The following TENM2 variants were observed in gnomAD, a reference collection of about 807,000 sequenced individuals.
The protein encoded by TENM2 is teneurin-2.
In TENM2, 52 loss-of-function variants were observed where a neutral mutation model predicts 245.2. The observed-to-expected ratio is 0.21, with a 90% CI of 0.17 to 0.27. The LOEUF (loss-of-function observed/expected upper bound fraction) is 0.27. Among genes scored for constraint, TENM2 ranks in the 10% least tolerant of loss-of-function variants. TENM2 has a pLI of 1.00. For missense variants in TENM2, 3,046 were observed against 3,666.8 expected (o/e 0.83, Z 4.37); for synonymous variants, 1,363 against 1,438.9 (o/e 0.95, Z 1.19).
chr5:167,015,001 A>C, the TENM2 span, among the ~76,000 whole-genome samples: 12 of 152,220 alleles, frequency 7.9e-5, no homozygotes, highest in Non-Finnish European at 1.8e-4. Flanking sequence ...ATAAACCATC[A>C]TGCAAACCTG....
intron 1 of TENM2, among the ~76,000 whole-genome samples, chr5:167,320,943 AAAC>A (rs1410520146): frequency 4.1e-5 from 4 of 98,238 alleles, no homozygotes; most frequent in Non-Finnish European, 9.0e-5. Context: ...AAAGACAAAC[AAAC>A]AAAAAAAAAC....
chr5:167,013,845 A>G, the TENM2 span, among the ~76,000 whole-genome samples: 4,919 of 152,306 alleles, frequency 0.032, 264 homozygotes, highest in African/African-American at 0.11. Context: ...TAAGATTACT[A>G]CTATGAGGCA....
intron 2 of TENM2, among the ~76,000 whole-genome samples, chr5:167,455,937 C>T (rs1765895999): frequency 1.3e-5 from 2 of 152,076 alleles, no homozygotes; most frequent in Admixed American, 1.3e-4. Context: ...GATGAGAGGG[C>T]ACCAATTTAT....
the TENM2 span, among the ~76,000 whole-genome samples, chr5:167,248,953 A>G: frequency 2.0e-5 from 3 of 152,152 alleles, no homozygotes; most frequent in Admixed American, 2.0e-4. Context: ...CTGATTCTCC[A>G]CTAATTTATA....
chr5:167,915,915 G>T (rs1420908236), intron 3 of TENM2, among the ~76,000 whole-genome samples: 1 of 152,140 alleles, frequency 6.6e-6, no homozygotes, highest in Non-Finnish European at 1.5e-5. Context: ...TGGGCAATAG[G>T]TATATTTGAT....
intron 2 of TENM2, among the ~76,000 whole-genome samples, chr5:167,713,969 C>T (rs1759083668): frequency 6.6e-6 from 1 of 152,164 alleles, no homozygotes. Flanking sequence ...GACCATTGAA[C>T]AGTCCTGTGT....
chr5:167,929,089 G>T, intron 3 of TENM2, among the ~76,000 whole-genome samples: 1 of 81,910 alleles, frequency 1.2e-5, no homozygotes, highest in East Asian at 4.1e-4. Flanking sequence ...AAGAAAGAAA[G>T]AAAGAAAGAA....
intron 6 of TENM2, among the ~76,000 whole-genome samples, chr5:168,049,191 CT>C (rs768952463): frequency 6.6e-6 from 1 of 152,256 alleles, no homozygotes; most frequent in South Asian, 2.1e-4. Context: ...GTCAGAGATG[CT>C]GTTAAACAAC....
At chr5:168,067,878 A>C (rs1790645516) in intron 7 of TENM2, among the ~76,000 whole-genome samples, 1 of 152,194 alleles carries the variant, frequency 6.6e-6, no homozygotes, top group Non-Finnish European at 1.5e-5. Context: ...CGCGCTTTGC[A>C]GAAGCCCCTG....
At chr5:167,858,792 T>C (rs985106663) in intron 2 of TENM2, among the ~76,000 whole-genome samples, 2 of 150,046 alleles carry the variant, frequency 1.3e-5, no homozygotes, top group African/African-American at 4.9e-5. Context: ...TGTCTCAGTC[T>C]TTGCCGCCGC....
intron 2 of TENM2, among the ~76,000 whole-genome samples, chr5:167,836,547 CAAAA>C (rs1031808366): frequency 6.6e-6 from 1 of 151,950 alleles, no homozygotes; most frequent in Non-Finnish European, 1.5e-5. Flanking sequence ...AGCTACCTGA[CAAAA>C]AAATAATAAA....
chr5:168,219,098 G>A (rs562470202), intron 23 of TENM2, 99 bp downstream of exon 25: 29 of 1,229,662 alleles, frequency 2.4e-5, no homozygotes, highest in East Asian at 7.0e-5. Context: ...GCTTTGTCAC[G>A]TTGTCTTTCT....
At chr5:167,887,258 C>T (rs73803261) in intron 3 of TENM2, among the ~76,000 whole-genome samples, 4,340 of 152,306 alleles carry the variant, frequency 0.028, 208 homozygotes, top group African/African-American at 0.098. Context: ...CTTGTGTCAA[C>T]ATTAAATTGT....
intron 2 of TENM2, among the ~76,000 whole-genome samples, chr5:167,675,501 G>A (rs115331208): frequency 1.4e-4 from 21 of 152,158 alleles, no homozygotes; most frequent in South Asian, 1.0e-3. Context: ...CTATGTTCAC[G>A]TGTCACCAGG....
At chr5:167,445,197 A>G (rs890047986) in intron 2 of TENM2, among the ~76,000 whole-genome samples, 8 of 151,792 alleles carry the variant, frequency 5.3e-5, no homozygotes, top group African/African-American at 1.7e-4. Context: ...AATAATACCA[A>G]TATTAGCAAA....
chr5:167,963,364 G>A (rs1453966899), intron 4 of TENM2, among the ~76,000 whole-genome samples: 1 of 152,206 alleles, frequency 6.6e-6, no homozygotes, highest in Non-Finnish European at 1.5e-5. Context: ...TCTTAGCCAT[G>A]AGAGAGTATA....
chr5:168,116,511 C>A (rs908146910), intron 9 of TENM2, among the ~76,000 whole-genome samples: 1 of 152,156 alleles, frequency 6.6e-6, no homozygotes, highest in South Asian at 2.1e-4. Flanking sequence ...GTTCTTCCCA[C>A]GTCTTTCATA....
chr5:167,704,646 G>T (rs554309765), intron 2 of TENM2, among the ~76,000 whole-genome samples: 2 of 152,282 alleles, frequency 1.3e-5, no homozygotes, highest in African/African-American at 4.8e-5. Context: ...CAAGGAAAAA[G>T]AAGGCTTTGA....
intron 5 of TENM2, among the ~76,000 whole-genome samples, chr5:168,034,159 ATATG>A (rs202169161): frequency 2.1e-4 from 22 of 103,350 alleles, no homozygotes; most frequent in East Asian, 1.5e-3. Context: ...GTGTATATAT[ATATG>A]TATATATATA....
Sources: allele counts gnomAD v4.1 joint callset (sites outside exome capture counted in the v4.1 genomes callset), GRCh38; gene constraint gnomAD v4.1.1; transcripts MANE v1.5; gene names NCBI Gene and HGNC (gene_info 2026-07-23, HGNC 2026-07-21).